The following SEPTIN9 variants were observed in gnomAD, a reference collection of about 807,000 sequenced individuals.
SEPTIN9 encodes septin 9, also known as septin-9.
A neutral mutation model predicts 56.6 loss-of-function variants in SEPTIN9; 13 were observed. The observed-to-expected ratio is 0.23, with a 90% CI of 0.15 to 0.37. SEPTIN9 has a LOEUF of 0.37. SEPTIN9 is among the 10% of genes least tolerant of loss of function. The pLI is 1.00. For missense variants in SEPTIN9, 650 were observed against 823.1 expected (o/e 0.79, Z 2.57); for synonymous variants, 332 against 334.1 (o/e 0.99, Z 0.07).
At position 77,425,993 on chromosome 17, in the gene SEPTIN9, A is replaced by G. The variant is rs912134413; in HGVS notation, c.721+23290A>G. 6.6e-6 allele frequency among the ~76,000 whole-genome samples: 1 copy of G among 152,050 alleles called. No homozygotes were observed. The highest frequency in any genetic ancestry group is 1.5e-5 in the Non-Finnish European group (1 of 68,006). ...TCAGGCCATGCCCTCAGACTGGAGG[A>G]TAGGATCGGAACAGTGGGTCAGGAT... On this transcript the variant is annotated intron_variant, in intron 3 of 11. Coordinates refer to ENST00000427177, the MANE Select transcript of SEPTIN9 (RefSeq NM_001113491.2). The surrounding 1 kb of genome is among the most constrained non-coding windows in gnomAD (Gnocchi z 4.2).
rs895994692 is a variant in SEPTIN9, at chr17:77,475,028, G to A, written c.722-7116G>A. Among the ~76,000 whole-genome samples, 1 of 152,084 alleles carries A rather than the reference G, an allele frequency of 6.6e-6. No homozygotes were observed. Among genetic ancestry groups the A allele is most frequent in the African/African-American group, 2.4e-5 (1 of 41,398 alleles). On this transcript the variant is annotated intron_variant, in intron 3 of 11. Coordinates refer to ENST00000427177, the MANE Select transcript of SEPTIN9 (RefSeq NM_001113491.2). This position sits in a 1 kb window ranked among gnomAD's most constrained non-coding sequence, Gnocchi z 4.6. ...AAAAAAAAAAATTAGAGTAACGCCT[G>A]GCACAGAGAGCCCCCAGTAAACCTC...
At position 77,490,227 on chromosome 17, in the gene SEPTIN9, A is replaced by C. The variant is rs1363124113; in HGVS notation, c.1263-515A>C. Among the ~76,000 whole-genome samples the C allele has an allele frequency of 5.9e-5, 9 of 152,318 alleles. No individual in the cohort carries two copies. In the East Asian group the frequency reaches 1.5e-3, roughly 26 times the overall value. ...CTGGGGAAGATGGTGCCCCAGTTCCAGGGCCCTGCCAGCCCCTGCCACCCA... is the reference window on the plus strand; with the variant it reads ...CTGGGGAAGATGGTGCCCCAGTTCCCGGGCCCTGCCAGCCCCTGCCACCCA... On this transcript the variant is annotated intron_variant, in intron 7 of 11. Transcript: ENST00000427177.
At chr17:77,301,647 A>C (rs1011723824) in intron 1 of SEPTIN9, among the ~76,000 whole-genome samples, 1 of 152,138 alleles carries the variant, frequency 6.6e-6, no homozygotes, top group African/African-American at 2.4e-5. Context: ...TCCGGACCTC[A>C]GATGATTTGC....
intron 3 of SEPTIN9, among the ~76,000 whole-genome samples, chr17:77,420,593 G>A (rs1021745081): frequency 9.2e-5 from 14 of 152,108 alleles, no homozygotes; most frequent in African/African-American, 3.1e-4. Flanking sequence ...CTGTCCTCCT[G>A]GTGGACAGTC....
At chr17:77,399,436 T>C (rs545071079) in intron 2 of SEPTIN9, among the ~76,000 whole-genome samples, 10 of 152,204 alleles carry the variant, frequency 6.6e-5, no homozygotes, top group African/African-American at 2.2e-4. Context: ...AGGCACACCA[T>C]GTGGGGACAG....
At chr17:77,281,667 C>A (rs2031029482) in intron 1 of SEPTIN9, 113 bp downstream of exon 1, 9 of 1,079,904 alleles carry the variant, frequency 8.3e-6, no homozygotes, top group Non-Finnish European at 1.2e-5. Context: ...CGAGTCCCCG[C>A]GGCGGGCACA....
chr17:77,310,504 G>A lies in SEPTIN9; in HGVS notation c.76+3307G>A, dbSNP rs2032448161. 6.6e-6 allele frequency among the ~76,000 whole-genome samples: 1 copy of A among 152,170 alleles called. No homozygotes were observed. Among genetic ancestry groups the A allele is most frequent in the Non-Finnish European group, 1.5e-5 (1 of 68,028 alleles). On this transcript the variant is annotated intron_variant, in intron 2 of 11. Transcript: ENST00000427177. This position sits in a 1 kb window ranked among gnomAD's most constrained non-coding sequence, Gnocchi z 4.7. Reference sequence around the variant, plus strand: ...TAGCGAGTGTTCCTCTGTGTGGGGAGGCAGAGTTTGCCCGTCCCGTGGCCC... The same window carrying A: ...TAGCGAGTGTTCCTCTGTGTGGGGAAGCAGAGTTTGCCCGTCCCGTGGCCC...
chr17:77,323,239 G>A lies in SEPTIN9; in HGVS notation c.76+16042G>A, dbSNP rs183054760. On this transcript the variant is annotated intron_variant, in intron 2 of 11. Coordinates refer to ENST00000427177, the MANE Select transcript of SEPTIN9 (RefSeq NM_001113491.2). The surrounding 1 kb of genome is among the most constrained non-coding windows in gnomAD (Gnocchi z 6.8). ...TGCTGGAGGGTTTGTCAGCAGGGCC[G>A]GCATGAGTCATGGAGTGGTGACTGG... 1.3e-3 allele frequency among the ~76,000 whole-genome samples: 191 copies of A among 152,286 alleles called. No individual in the cohort carries two copies. Among genetic ancestry groups the A allele is most frequent in the Middle Eastern group, 3.4e-3 (1 of 294 alleles).
At chr17:77,301,305 C>T (rs1230438917) in intron 1 of SEPTIN9, among the ~76,000 whole-genome samples, 1 of 152,128 alleles carries the variant, frequency 6.6e-6, no homozygotes, top group Non-Finnish European at 1.5e-5. Flanking sequence ...CATCCTCCCA[C>T]CTCAGCCTCC....
intron 2 of SEPTIN9, among the ~76,000 whole-genome samples, chr17:77,312,990 G>A (rs952011157): frequency 1.3e-5 from 2 of 152,140 alleles, no homozygotes; most frequent in African/African-American, 2.4e-5. Context: ...AGTTCTATGG[G>A]GGGGCGCTGG....
chr17:77,302,925 C>A (rs866831071), intron 1 of SEPTIN9, among the ~76,000 whole-genome samples: 2 of 152,028 alleles, frequency 1.3e-5, no homozygotes, highest in Admixed American at 6.6e-5. Flanking sequence ...TCTGCCTAGG[C>A]TCACCCTTTC....
At position 77,425,844 on chromosome 17, in the gene SEPTIN9, C is replaced by T. The variant is rs2036886930; in HGVS notation, c.721+23141C>T. On this transcript the variant is annotated intron_variant, in intron 3 of 11. Coordinates refer to ENST00000427177, the MANE Select transcript of SEPTIN9 (RefSeq NM_001113491.2). The surrounding 1 kb of genome is among the most constrained non-coding windows in gnomAD (Gnocchi z 4.2). ...CAAGGTTGGCCCAGCTGTGTCTGAC[C>T]CTGGTTGTGCGGTCTTGGACAGTCC... is the stretch of plus-strand genomic sequence containing the variant. Among the ~76,000 whole-genome samples the T allele has an allele frequency of 6.6e-6, 1 of 152,176 alleles. No homozygotes were observed. The highest frequency in any genetic ancestry group is 2.4e-5 in the African/African-American group (1 of 41,450).
chr17:77,418,038 G>T (rs1265782433), intron 3 of SEPTIN9, among the ~76,000 whole-genome samples: 2 of 152,156 alleles, frequency 1.3e-5, no homozygotes, highest in Non-Finnish European at 2.9e-5. Context: ...CCTGGCGGTG[G>T]GGGGAGTGCC....
Position 77,310,127 on chromosome 17 carries a change from C to T in SEPTIN9, c.76+2930C>T, listed in dbSNP as rs544115887. Among the ~76,000 whole-genome samples the T allele has an allele frequency of 7.3e-3, 1,104 of 151,850 alleles. 14 individuals are homozygous for T. Among genetic ancestry groups the T allele is most frequent in the African/African-American group, 0.026 (1,056 of 41,134 alleles). On this transcript the variant is annotated intron_variant, in intron 2 of 11. Transcript: ENST00000427177. The surrounding 1 kb of genome is among the most constrained non-coding windows in gnomAD (Gnocchi z 4.7). The stretch of plus-strand genomic sequence containing the variant: ...CTCAGTAGCCAGGATTACAGGCACC[C>T]GCCACCATGTCTGGCTAATTTTTTT...
intron 3 of SEPTIN9, among the ~76,000 whole-genome samples, chr17:77,474,837 A>T (rs545260565): frequency 6.6e-6 from 1 of 152,062 alleles, no homozygotes; most frequent in South Asian, 2.1e-4. Flanking sequence ...TTGTGTGATG[A>T]TCCATCAGTT....
Position 77,327,674 on chromosome 17 carries a change from C to T in SEPTIN9, c.76+20477C>T, listed in dbSNP as rs1396862070. The stretch of plus-strand genomic sequence containing the variant: ...TTGGGACAGAGAGTGGCGCAGATCT[C>T]AGCCCGGAGACTCCCTCTGCCTGTG... On this transcript the variant is annotated intron_variant, in intron 2 of 11. Transcript: ENST00000427177. The surrounding 1 kb of genome is among the most constrained non-coding windows in gnomAD (Gnocchi z 5.0). Among the ~76,000 whole-genome samples the T allele has an allele frequency of 1.3e-5, 2 of 152,214 alleles. No individual in the cohort carries two copies. Among genetic ancestry groups the T allele is most frequent in the East Asian group, 1.9e-4 (1 of 5,186 alleles).
intron 2 of SEPTIN9, among the ~76,000 whole-genome samples, chr17:77,401,306 G>A (rs535280840): frequency 2.6e-5 from 4 of 152,244 alleles, no homozygotes; most frequent in African/African-American, 9.6e-5. Flanking sequence ...TTTTGTTCCT[G>A]CTGCGGTTCT....
chr17:77,375,044 C>G (rs2034870494), intron 2 of SEPTIN9: 1 of 140,944 alleles, frequency 7.1e-6, no homozygotes, highest in Non-Finnish European at 1.6e-5. Context: ...GTTCCCGCCC[C>G]CCTCCCCCAC....
rs1355216934 is a variant in SEPTIN9 at position 77,492,563 on chromosome 17, A to C, written c.1381-58A>C. 2 of 1,491,780 alleles carry C rather than the reference A, an allele frequency of 1.3e-6. No individual in the cohort carries two copies. Among genetic ancestry groups the C allele is most frequent in the African/African-American group, 2.8e-5 (2 of 72,420 alleles). The allele number at this position is 1,491,780 out of a possible 1,614,324, so 92.4% of individuals were successfully genotyped here. A position where few individuals can be genotyped will look rare whatever the true frequency, so the allele number is the denominator to read the frequency against. On this transcript the variant is annotated intron_variant, in intron 8 of 11. Transcript: ENST00000427177. The surrounding 1 kb of genome is among the most constrained non-coding windows in gnomAD (Gnocchi z 5.4). ...GTGTGGAGGTCATGTGGCAAACACCAGTGGGTGGGTAGAGCTTGCCACAGG... is the reference window on the plus strand; with the variant it reads ...GTGTGGAGGTCATGTGGCAAACACCCGTGGGTGGGTAGAGCTTGCCACAGG...
Sources: allele counts gnomAD v4.1 joint callset (sites outside exome capture counted in the v4.1 genomes callset), GRCh38; gene constraint gnomAD v4.1.1; non-coding constraint Gnocchi (gnomAD v3.1); transcripts MANE v1.5; gene names NCBI Gene and HGNC (gene_info 2026-07-23, HGNC 2026-07-21).